The following PCDHGA11 variants were observed in gnomAD, a reference collection of about 807,000 sequenced individuals.
PCDHGA11 encodes the protein protocadherin gamma-A11.
Under a neutral mutation model 60.4 loss-of-function variants are expected in PCDHGA11, and 39 were observed. The ratio of observed to expected loss-of-function variants is 0.65; its 90% CI spans 0.50 to 0.84. The LOEUF is 0.84. PCDHGA11 is among the 40% of genes least tolerant of loss of function. The pLI, the probability that PCDHGA11 is intolerant of heterozygous loss-of-function variation, is 0.00. For synonymous variants in PCDHGA11, 533 were observed against 510.3 expected (o/e 1.04, Z -0.60); for missense variants, 1,165 against 1,197.7 (o/e 0.97, Z 0.40).
At chr5:141,467,932 TA>T (rs1391978978) in intron 1 of PCDHGA11, among the ~76,000 whole-genome samples, 4 of 152,186 alleles carry the variant, frequency 2.6e-5, no homozygotes, top group Non-Finnish European at 4.4e-5. Flanking sequence ...ATGCTAGGAT[TA>T]CAAGCATGAG....
At chr5:141,446,208 G>GAT (rs1387839424) in intron 1 of PCDHGA11, among the ~76,000 whole-genome samples, 1 of 152,156 alleles carries the variant, frequency 6.6e-6, no homozygotes, top group Non-Finnish European at 1.5e-5. Context: ...CTAGGTGTCT[G>GAT]AAAATATTGT....
chr5:141,467,781 C>T (rs2099151581), intron 1 of PCDHGA11, among the ~76,000 whole-genome samples: 1 of 152,228 alleles, frequency 6.6e-6, no homozygotes, highest in South Asian at 2.1e-4. Context: ...ACCTCAGCCT[C>T]TCAAGTAGCT....
intron 1 of PCDHGA11, among the ~76,000 whole-genome samples, chr5:141,455,045 C>G (rs1008259013): frequency 6.6e-6 from 1 of 151,798 alleles, no homozygotes; most frequent in Non-Finnish European, 1.5e-5. Context: ...ATCTCCTGAC[C>G]TCGTGATCCG....
intron 2 of PCDHGA11, among the ~76,000 whole-genome samples, chr5:141,497,016 C>G (rs1384415729): frequency 6.6e-6 from 1 of 152,056 alleles, no homozygotes; most frequent in East Asian, 1.9e-4. Context: ...TGGTGAAACC[C>G]CATCTCGATT....
chr5:141,502,864 G>GGCTTTTTT (rs2099816401), intron 2 of PCDHGA11, among the ~76,000 whole-genome samples: 1 of 61,572 alleles, frequency 1.6e-5, no homozygotes, highest in Non-Finnish European at 3.0e-5. Flanking sequence ...CTGACTCTCT[G>GGCTTTTTT]TCTTTTTTTT....
Position 141,421,749 on chromosome 5 carries a change from C to T in PCDHGA11, c.522C>T (p.Ser174=). The change falls in exon 1 of 4, where the codon AGC becomes AGT. Residue 174 remains serine (S), a synonymous_variant. Coordinates refer to ENST00000398587, the MANE Select transcript of PCDHGA11 (RefSeq NM_018914.3). The part of the protein sequence containing the change: ...GVNSLQSYQL[S]PNNYFSLQLR... ...ACTCCCTCCAGAGCTACCAGCTCAG[C>T]CCTAATAATTACTTTTCCTTGCAAC... The T allele has an allele frequency of 6.2e-7, 1 of 1,613,918 alleles. No individual in the cohort carries two copies. The highest frequency in any genetic ancestry group is 8.5e-7 in the Non-Finnish European group (1 of 1,179,866).
chr5:141,478,293 T>C (rs2099444312), intron 1 of PCDHGA11: 2 of 1,614,026 alleles, frequency 1.2e-6, no homozygotes. Context: ...TCTAGAGACC[T>C]ATACCGAGCC....
chr5:141,472,579 G>T (rs1172183592), intron 1 of PCDHGA11, among the ~76,000 whole-genome samples: 3 of 151,928 alleles, frequency 2.0e-5, no homozygotes, highest in Non-Finnish European at 4.4e-5. Context: ...GCATCTCATT[G>T]GTCAGAAGCT....
At chr5:141,475,884 G>C (rs998700290) in intron 1 of PCDHGA11, 1 of 557,810 alleles carries the variant, frequency 1.8e-6, no homozygotes, top group Non-Finnish European at 3.2e-6. Flanking sequence ...TATTGGCTGG[G>C]ACTCTGTGTG....
rs202010010 is a variant in PCDHGA11, at chr5:141,423,358, G to T, written c.2131G>T (p.Val711Leu). ...VSCIFLVFVIVLLALRLWRWH... is the reference protein window; with the variant it reads ...VSCIFLVFVILLLALRLWRWH... Reference sequence around the variant, plus strand: ...CTGCATCTTCCTGGTCTTTGTCATCGTGCTGCTGGCACTCAGGCTGTGGCG... The same window carrying T: ...CTGCATCTTCCTGGTCTTTGTCATCTTGCTGCTGGCACTCAGGCTGTGGCG... The change falls in exon 1 of 4, where the codon GTG becomes TTG. Residue 711 changes from valine (V) to leucine (L), a missense_variant. Physicochemically the swap from Val to Leu is conservative, Grantham distance 32 (BLOSUM62 1). Transcript: ENST00000398587. The T allele has an allele frequency of 6.2e-7, 1 of 1,614,196 alleles. No individual in the cohort carries two copies. The highest frequency in any genetic ancestry group is 1.1e-5 in the South Asian group (1 of 91,086).
chr5:141,454,974 A>AT (rs2098808620), intron 1 of PCDHGA11, among the ~76,000 whole-genome samples: 1 of 151,182 alleles, frequency 6.6e-6, no homozygotes, highest in African/African-American at 2.4e-5. Context: ...CGCCTGGCTA[A>AT]TTTTTTAAAA....
chr5:141,422,996 C>G lies in PCDHGA11; in HGVS notation c.1769C>G (p.Thr590Ser). 1.2e-6 allele frequency: 2 copies of G among 1,614,224 alleles called. No homozygotes were observed. The highest frequency in any genetic ancestry group is 1.7e-6 in the Non-Finnish European group (2 of 1,180,046). The change falls in exon 1 of 4, where the codon ACC (threonine) becomes AGC (serine). Residue 590 changes from threonine to serine, a missense_variant. Thr to Ser is a moderately conservative substitution (Grantham distance 58, BLOSUM62 1). Coordinates refer to ENST00000398587, the MANE Select transcript of PCDHGA11 (RefSeq NM_018914.3). ...TCTGCGGAACCTGGCTACCTGGTGA[C>G]CAAGGTGGTTGCGGTGGACAAAGAT... ...PRSAEPGYLV[T>S]KVVAVDKDSG...
At chr5:141,428,184 C>A in intron 1 of PCDHGA11, 32 of 1,463,670 alleles carry the variant, frequency 2.2e-5, no homozygotes, top group Non-Finnish European at 3.0e-5. Context: ...GGAGGACAGC[C>A]GCCGCTCTCT....
chr5:141,478,415 C>G (rs182700706), intron 1 of PCDHGA11: 5 of 1,613,648 alleles, frequency 3.1e-6, no homozygotes, highest in Non-Finnish European at 4.2e-6. Context: ...CACGGACTCC[C>G]GCCGCAGCGA....
At chr5:141,457,631 G>C (rs540600166) in intron 1 of PCDHGA11, among the ~76,000 whole-genome samples, 1 of 152,282 alleles carries the variant, frequency 6.6e-6, no homozygotes, top group African/African-American at 2.4e-5. Flanking sequence ...TCTTATACTT[G>C]GCCTGATTAT....
chr5:141,434,517 G>A (rs1476955199), intron 1 of PCDHGA11, among the ~76,000 whole-genome samples: 1 of 152,212 alleles, frequency 6.6e-6, no homozygotes, highest in East Asian at 1.9e-4. Context: ...GCTTAAAGGT[G>A]TTCTTAAACC....
rs1356654620 is a variant in PCDHGA11 at position 141,490,430 on chromosome 5, TTAA to T, written c.2434-4376_2434-4374del. On this transcript the variant is annotated intron_variant, in intron 1 of 3. Coordinates refer to ENST00000398587, the MANE Select transcript of PCDHGA11 (RefSeq NM_018914.3). The surrounding 1 kb of genome is among the most constrained non-coding windows in gnomAD (Gnocchi z 5.4). ...ATCTCTCCGGACCTGCCATTTCAGA[TTAA>T]GCCTTCTGAGAACCACTACTCGCTG... 1 of 1,614,162 alleles carries T rather than the reference TTAA, an allele frequency of 6.2e-7. No individual in the cohort carries two copies.
chr5:141,490,903 C>G lies in PCDHGA11; in HGVS notation c.2434-3904C>G. 6.2e-7 allele frequency: 1 copy of G among 1,613,764 alleles called. No homozygotes were observed. The highest frequency in any genetic ancestry group is 1.7e-5 in the Admixed American group (1 of 60,022). On this transcript the variant is annotated intron_variant, in intron 1 of 3. Coordinates refer to ENST00000398587, the MANE Select transcript of PCDHGA11 (RefSeq NM_018914.3). This position sits in a 1 kb window ranked among gnomAD's most constrained non-coding sequence, Gnocchi z 5.4. ...CAACACATCTCTGCATGTGTTTGTC[C>G]TAGACGAGAATGATAATGCCCCAGC... is the stretch of plus-strand genomic sequence containing the variant.
chr5:141,488,711 A>G (rs184498001), intron 1 of PCDHGA11, among the ~76,000 whole-genome samples: 100 of 152,290 alleles, frequency 6.6e-4, no homozygotes, highest in Non-Finnish European at 1.2e-3. Context: ...TGCTGGTTCA[A>G]GCAAAGTGGT....
Sources: gnomAD v4.1 joint callset for allele counts (sites outside exome capture counted in the v4.1 genomes callset) on GRCh38, gnomAD v4.1.1 for gene constraint, Gnocchi (gnomAD v3.1) non-coding constraint, MANE v1.5 for transcripts, NCBI Gene and HGNC (gene_info 2026-07-23, HGNC 2026-07-21) for gene names.